The following PCLO variants were observed in gnomAD, a reference collection of about 807,000 sequenced individuals.
PCLO encodes the protein protein piccolo.
In PCLO, 82 loss-of-function variants were observed where a neutral mutation model predicts 427.5. That is an observed-to-expected ratio of 0.19 (90% CI 0.16 to 0.23). The LOEUF (loss-of-function observed/expected upper bound fraction) is 0.23. PCLO is among the 10% of genes least tolerant of loss of function. PCLO has a pLI of 1.00. For synonymous variants in PCLO, 2,357 were observed against 2,155.4 expected, an observed-to-expected ratio of 1.09 and a Z score of -2.59; for missense variants, 6,239 against 6,115.9, an observed-to-expected ratio of 1.02 and a Z score of -0.67.
At chr7:82,784,539 C>T (rs371823509) in intron 22 of PCLO, among the ~76,000 whole-genome samples, 3 of 152,306 alleles carry the variant, frequency 2.0e-5, no homozygotes, top group South Asian at 2.1e-4. Flanking sequence ...ACATCTGTCT[C>T]TGCCAGAACC....
At chr7:82,874,253 GA>G (rs570983775) in intron 10 of PCLO, among the ~76,000 whole-genome samples, 5 of 150,892 alleles carry the variant, frequency 3.3e-5, no homozygotes, top group African/African-American at 7.3e-5. Flanking sequence ...CAGTATAAAG[GA>G]AAAAAAACTG....
At chr7:82,873,824 G>A (rs1793300517) in intron 10 of PCLO, among the ~76,000 whole-genome samples, 1 of 139,042 alleles carries the variant, frequency 7.2e-6, no homozygotes, top group African/African-American at 2.6e-5. Context: ...AGATTGGGGG[G>A]GTGGTTTCTG....
intron 3 of PCLO, among the ~76,000 whole-genome samples, chr7:83,038,208 ATG>A (rs1051558861): frequency 3.5e-5 from 5 of 143,460 alleles, no homozygotes; most frequent in South Asian, 2.2e-4. Context: ...ACACACATAT[ATG>A]TGTTTAATAT....
intron 2 of PCLO, among the ~76,000 whole-genome samples, chr7:83,148,577 G>A (rs1248119827): frequency 6.6e-6 from 1 of 151,460 alleles, no homozygotes; most frequent in African/African-American, 2.4e-5. Context: ...TTATTTTTTA[G>A]ACCATTAACT....
At chr7:83,090,789 T>TTGATAAAAAATTC (rs1562958929) in intron 3 of PCLO, among the ~76,000 whole-genome samples, 1 of 152,162 alleles carries the variant, frequency 6.6e-6, no homozygotes, top group Non-Finnish European at 1.5e-5. Flanking sequence ...CAGTATATTT[T>TTGATAAAAAATTC]CAGTAAAATT....
intron 20 of PCLO, among the ~76,000 whole-genome samples, chr7:82,807,495 C>A (rs1290032137): frequency 6.6e-6 from 1 of 152,048 alleles, no homozygotes; most frequent in Non-Finnish European, 1.5e-5. Flanking sequence ...AATATAATAA[C>A]CACATGAAGT....
At chr7:82,919,036 A>C (rs1794534874) in intron 6 of PCLO, among the ~76,000 whole-genome samples, 1 of 151,950 alleles carries the variant, frequency 6.6e-6, no homozygotes, top group Admixed American at 6.6e-5. Context: ...CATTACAAAT[A>C]GTTATATATT....
intron 22 of PCLO, among the ~76,000 whole-genome samples, chr7:82,792,027 C>T (rs1027978349): frequency 3.3e-5 from 5 of 151,636 alleles, no homozygotes; most frequent in African/African-American, 1.2e-4. Flanking sequence ...GACTTTTTTT[C>T]CTCCAGAGAT....
chr7:83,112,159 G>A (rs1791020655), intron 3 of PCLO, among the ~76,000 whole-genome samples: 1 of 152,116 alleles, frequency 6.6e-6, no homozygotes, highest in Non-Finnish European at 1.5e-5. Context: ...CCGGGTTCAA[G>A]CAATTCTCCT....
At chr7:82,881,799 C>T (rs1793514429) in intron 9 of PCLO, among the ~76,000 whole-genome samples, 1 of 151,938 alleles carries the variant, frequency 6.6e-6, no homozygotes, top group African/African-American at 2.4e-5. Flanking sequence ...TGCCACCATG[C>T]CCACCTAATT....
chr7:82,896,180 C>A (rs1010376754), intron 9 of PCLO, among the ~76,000 whole-genome samples: 2 of 151,828 alleles, frequency 1.3e-5, no homozygotes, highest in South Asian at 2.1e-4. Context: ...GTCTAGTAAA[C>A]TAACCAATAA....
intron 10 of PCLO, among the ~76,000 whole-genome samples, chr7:82,878,088 G>C (rs1397441101): frequency 1.3e-5 from 2 of 152,174 alleles, no homozygotes; most frequent in Admixed American, 1.3e-4. Context: ...TATAGCATTT[G>C]CCTATTTCCA....
At chr7:82,867,039 C>G (rs962780575) in intron 10 of PCLO, among the ~76,000 whole-genome samples, 1 of 152,066 alleles carries the variant, frequency 6.6e-6, no homozygotes, top group Admixed American at 6.6e-5. Context: ...TCTGTATTTT[C>G]TTTCAATGAA....
At chr7:83,046,034 T>C (rs2116236033) in intron 3 of PCLO, among the ~76,000 whole-genome samples, 1 of 152,224 alleles carries the variant, frequency 6.6e-6, no homozygotes, top group African/African-American at 2.4e-5. Context: ...TTGTAGATAG[T>C]CTACCTTCTT....
chr7:83,130,258 C>T (rs1791538101), intron 3 of PCLO, among the ~76,000 whole-genome samples: 1 of 152,188 alleles, frequency 6.6e-6, no homozygotes, highest in Admixed American at 6.5e-5. Context: ...TAGTTCACTG[C>T]AACCTCTGTC....
chr7:83,145,001 GAA>G (rs1173978103), intron 2 of PCLO, among the ~76,000 whole-genome samples: 2 of 152,152 alleles, frequency 1.3e-5, no homozygotes, highest in African/African-American at 4.8e-5. Flanking sequence ...ATTAGAGAGA[GAA>G]AGAATAGGAA....
chr7:83,048,886 T>C (rs1229632160), intron 3 of PCLO, among the ~76,000 whole-genome samples: 1 of 152,196 alleles, frequency 6.6e-6, no homozygotes, highest in African/African-American at 2.4e-5. Context: ...TACTTGGCTA[T>C]TTAACATGCA....
At position 83,162,771 on chromosome 7, in the gene PCLO, G is replaced by C; in HGVS notation, c.-179C>G. On this transcript the variant is annotated 5_prime_UTR_variant, in exon 1 of 25. Transcript: ENST00000333891. ...CGCCAGGCAGGGGTTAGTCCCGCTC[G>C]CAGGTAACGCCCGCTGCCGGTGCCT... 1 of 743,508 alleles carries C rather than the reference G, an allele frequency of 1.3e-6. No homozygotes were observed. The highest frequency in any genetic ancestry group is 2.1e-6 in the Non-Finnish European group (1 of 477,334). 46.1% of individuals were successfully genotyped at this position (743,508 alleles called of 1,614,324 possible).
chr7:82,799,978 C>G (rs57710010), intron 22 of PCLO, among the ~76,000 whole-genome samples: 7,901 of 152,068 alleles, frequency 0.052, 651 homozygotes, highest in African/African-American at 0.18. Context: ...GACACAAATG[C>G]CTGACATACT....
Sources: allele counts gnomAD v4.1 joint callset (sites outside exome capture counted in the v4.1 genomes callset), GRCh38; gene constraint gnomAD v4.1.1; transcripts MANE v1.5; gene names NCBI Gene and HGNC (gene_info 2026-07-23, HGNC 2026-07-21).